The following OLA1 variants were observed in gnomAD, a reference collection of about 807,000 sequenced individuals.
OLA1 encodes the protein Obg like ATPase 1.
In OLA1, 14 loss-of-function variants were observed where a neutral mutation model predicts 48.4. That is an observed-to-expected ratio of 0.29 (90% confidence interval 0.19 to 0.45). The LOEUF is 0.45. Among genes scored for constraint, OLA1 ranks in the 20% least tolerant of loss-of-function variants. The pLI, the probability that OLA1 is intolerant of heterozygous loss-of-function variation, is 1.00. For synonymous variants in OLA1, 127 were observed against 150.4 expected, an observed-to-expected ratio of 0.84 and a Z score of 1.14; for missense variants, 325 against 467.1, an observed-to-expected ratio of 0.70 and a Z score of 2.80.
chr2:174,188,081 G>C (rs994266577), intron 4 of OLA1, among the ~76,000 whole-genome samples: 2 of 152,170 alleles, frequency 1.3e-5, no homozygotes, highest in African/African-American at 4.8e-5. Flanking sequence ...AGGTGATCAT[G>C]ATAAAACCAA....
intron 4 of OLA1, among the ~76,000 whole-genome samples, chr2:174,154,387 C>A (rs1686820484): frequency 6.6e-6 from 1 of 152,170 alleles, no homozygotes; most frequent in African/African-American, 2.4e-5. Flanking sequence ...ATCCTCAGCT[C>A]AAGCCAAACT....
chr2:174,236,014 C>A (rs1688840917), intron 2 of OLA1, among the ~76,000 whole-genome samples: 1 of 152,092 alleles, frequency 6.6e-6, no homozygotes, highest in Admixed American at 6.6e-5. Context: ...TCATATTAAT[C>A]CATCATAAGA....
intron 4 of OLA1, among the ~76,000 whole-genome samples, chr2:174,164,828 G>A (rs1346233352): frequency 6.6e-6 from 1 of 152,186 alleles, no homozygotes; most frequent in Non-Finnish European, 1.5e-5. Context: ...CTGAAGGATT[G>A]ATTGGGCATG....
At chr2:174,135,002 A>C (rs1686270962) in intron 5 of OLA1, among the ~76,000 whole-genome samples, 1 of 151,964 alleles carries the variant, frequency 6.6e-6, no homozygotes, top group African/African-American at 2.4e-5. Context: ...TCTACTAAAA[A>C]TACAAAAATT....
At chr2:174,191,446 CT>C (rs573645071) in intron 4 of OLA1, among the ~76,000 whole-genome samples, 17 of 146,256 alleles carry the variant, frequency 1.2e-4, no homozygotes, top group South Asian at 8.7e-4. Flanking sequence ...AAATTCTTTT[CT>C]TTTTTTTTTT....
intron 3 of OLA1, among the ~76,000 whole-genome samples, chr2:174,228,558 A>C (rs1477974377): frequency 6.6e-6 from 1 of 152,188 alleles, no homozygotes; most frequent in East Asian, 1.9e-4. Context: ...CAATGAACTT[A>C]AACTATCTCA....
chr2:174,133,132 T>A (rs1274207651), intron 5 of OLA1, among the ~76,000 whole-genome samples: 1 of 152,210 alleles, frequency 6.6e-6, no homozygotes, highest in Non-Finnish European at 1.5e-5. Flanking sequence ...CTACACTAAC[T>A]TTTTTGTTGT....
intron 2 of OLA1, among the ~76,000 whole-genome samples, chr2:174,234,590 A>C (rs769052271): frequency 3.0e-4 from 46 of 152,076 alleles, no homozygotes; most frequent in Non-Finnish European, 5.3e-4. Context: ...CAGCCTCTCA[A>C]GCAGCTGGGA....
intron 2 of OLA1, among the ~76,000 whole-genome samples, chr2:174,244,583 A>ATT (rs952075713): frequency 6.6e-6 from 1 of 151,526 alleles, no homozygotes; most frequent in Non-Finnish European, 1.5e-5. Flanking sequence ...GTTGTTTACT[A>ATT]TTTTTTTTAC....
chr2:174,083,574 A>G (rs1684904346), intron 7 of OLA1, among the ~76,000 whole-genome samples: 1 of 152,070 alleles, frequency 6.6e-6, no homozygotes, highest in Non-Finnish European at 1.5e-5. Context: ...AACCAAAATT[A>G]AGAAGGACAG....
At chr2:174,181,639 G>A (rs1358835238) in intron 4 of OLA1, among the ~76,000 whole-genome samples, 2 of 152,138 alleles carry the variant, frequency 1.3e-5, no homozygotes, top group Non-Finnish European at 2.9e-5. Context: ...AGTGGATGTA[G>A]GGTGACAGAA....
intron 4 of OLA1, among the ~76,000 whole-genome samples, chr2:174,196,915 G>A (rs1055789474): frequency 6.6e-6 from 1 of 151,978 alleles, no homozygotes; most frequent in African/African-American, 2.4e-5. Context: ...ATTAATGCTG[G>A]GCTAAAAATG....
intron 4 of OLA1, among the ~76,000 whole-genome samples, chr2:174,181,695 C>A (rs1687542537): frequency 6.6e-6 from 1 of 152,178 alleles, no homozygotes; most frequent in Admixed American, 6.5e-5. Context: ...CTCGCATTTG[C>A]TGTTGCCTCT....
chr2:174,081,487 A>G (rs985122259), intron 8 of OLA1, among the ~76,000 whole-genome samples: 1 of 152,086 alleles, frequency 6.6e-6, no homozygotes, highest in Admixed American at 6.6e-5. Context: ...TTTGCTATTT[A>G]AAAAAAGAAA....
In OLA1 at chr2:174,132,476, T is replaced by C. The variant is rs572823391; in HGVS notation, c.550-8801A>G. Among the ~76,000 whole-genome samples, 3 of 152,252 alleles carry C rather than the reference T, an allele frequency of 2.0e-5. No homozygotes were observed. In the South Asian group the frequency reaches 6.2e-4, roughly 32 times the overall value. On this transcript the variant is annotated intron_variant, in intron 5 of 10. Transcript: ENST00000284719. ...TCACCTTTCCTTATTTTGAGACATA[T>C]ACATTTATGACTAAATGTATAGAAC...
At chr2:174,081,280 C>T (rs1007818160) in intron 8 of OLA1, 32 bp from the exon 9 acceptor site, 3 of 1,541,136 alleles carry the variant, frequency 1.9e-6, no homozygotes, top group African/African-American at 1.4e-5. Flanking sequence ...TCACCCAACA[C>T]ATAAGTTGAT....
chr2:174,133,200 T>A (rs1353689358), intron 5 of OLA1, among the ~76,000 whole-genome samples: 3 of 152,224 alleles, frequency 2.0e-5, no homozygotes, highest in African/African-American at 7.2e-5. Flanking sequence ...TTTCTGCATC[T>A]TCAACTTACA....
intron 5 of OLA1, among the ~76,000 whole-genome samples, chr2:174,139,768 G>A (rs1686395428): frequency 6.6e-6 from 1 of 150,890 alleles, no homozygotes; most frequent in Admixed American, 6.7e-5. Flanking sequence ...AGGAGGCTGA[G>A]GCAGAAGAAT....
intron 5 of OLA1, among the ~76,000 whole-genome samples, chr2:174,132,983 C>T (rs1686218995): frequency 6.6e-6 from 1 of 151,954 alleles, no homozygotes; most frequent in Non-Finnish European, 1.5e-5. Context: ...TCAATCCTGC[C>T]ACTTTTTGCA....
Sources: allele counts gnomAD v4.1 joint callset (sites outside exome capture counted in the v4.1 genomes callset), GRCh38; gene constraint gnomAD v4.1.1; transcripts MANE v1.5; gene names NCBI Gene and HGNC (gene_info 2026-07-23, HGNC 2026-07-21).